Variants in ZBTB2 observed in about 807,000 individuals in gnomAD.
The protein encoded by ZBTB2 is zinc finger and BTB domain containing 2.
In ZBTB2, 2 loss-of-function variants were observed where a neutral mutation model predicts 39.5. That is an observed-to-expected ratio of 0.05 (90% confidence interval 0.02 to 0.16). The LOEUF (loss-of-function observed/expected upper bound fraction) is 0.16. Among genes scored for constraint, ZBTB2 ranks in the 10% least tolerant of loss-of-function variants. The pLI is 1.00. For missense variants in ZBTB2, 391 were observed against 653.0 expected (o/e 0.60, Z 4.37); for synonymous variants, 251 against 256.6 (o/e 0.98, Z 0.21).
intron 1 of ZBTB2, among the ~76,000 whole-genome samples, chr6:151,384,883 T>C (rs1779119933): frequency 1.3e-5 from 2 of 152,204 alleles, no homozygotes; most frequent in Non-Finnish European, 2.9e-5. Context: ...ACTCTGGTCT[T>C]CTGGGCATAC....
chr6:151,388,043 G>C (rs1346298903), intron 1 of ZBTB2, among the ~76,000 whole-genome samples: 1 of 151,590 alleles, frequency 6.6e-6, no homozygotes, highest in Non-Finnish European at 1.5e-5. Flanking sequence ...AATATTCTTA[G>C]TCTAATGCTT....
At chr6:151,380,286 C>A (rs184001835) in intron 1 of ZBTB2, among the ~76,000 whole-genome samples, 2 of 152,302 alleles carry the variant, frequency 1.3e-5, no homozygotes, top group Admixed American at 1.3e-4. Context: ...AACCAAAACC[C>A]CTAGACTGTT....
intron 1 of ZBTB2, among the ~76,000 whole-genome samples, chr6:151,373,866 A>AAAC (rs1778841485): frequency 7.5e-6 from 1 of 134,060 alleles, no homozygotes; most frequent in Non-Finnish European, 1.6e-5. Flanking sequence ...AAAAAAAAAA[A>AAAC]AAAAAAAAAA....
intron 1 of ZBTB2, among the ~76,000 whole-genome samples, chr6:151,386,360 G>A (rs1396357133): frequency 2.6e-5 from 4 of 151,980 alleles, no homozygotes; most frequent in Non-Finnish European, 5.9e-5. Flanking sequence ...GCAACATGAC[G>A]AGACCCTGTC....
chr6:151,369,739 G>A (rs1778743120), intron 2 of ZBTB2, among the ~76,000 whole-genome samples: 1 of 152,122 alleles, frequency 6.6e-6, no homozygotes, highest in Admixed American at 6.5e-5. Context: ...TTGGGAGGCC[G>A]AGGTGGGTGG....
At chr6:151,369,451 G>T (rs1436430097) in intron 2 of ZBTB2, among the ~76,000 whole-genome samples, 1 of 151,998 alleles carries the variant, frequency 6.6e-6, no homozygotes, top group Non-Finnish European at 1.5e-5. Context: ...CTCCTGAGTA[G>T]CTCAGACTAT....
Position 151,366,973 on chromosome 6 carries a change from T to C in ZBTB2, c.174-81A>G. On this transcript the variant is annotated intron_variant, in intron 2 of 2. Coordinates refer to ENST00000325144, the MANE Select transcript of ZBTB2 (RefSeq NM_020861.3). The surrounding 1 kb of genome is among the most constrained non-coding windows in gnomAD (Gnocchi z 7.1). Reference sequence around the variant, plus strand: ...AAAGCCTGAAGAAAAAAATGAATGCTTAAAAACAAAGGAAACAACATTTCC... The same window carrying C: ...AAAGCCTGAAGAAAAAAATGAATGCCTAAAAACAAAGGAAACAACATTTCC... 5 of 1,401,458 alleles carry C rather than the reference T, an allele frequency of 3.6e-6. No homozygotes were observed. The highest frequency in any genetic ancestry group is 4.8e-6 in the Non-Finnish European group (5 of 1,044,156). The allele number at this position is 1,401,458 out of a possible 1,614,324, so 86.8% of individuals were successfully genotyped here. A position where few individuals can be genotyped will look rare whatever the true frequency, so the allele number is the denominator to read the frequency against.
At chr6:151,375,881 T>A (rs9383567) in intron 1 of ZBTB2, among the ~76,000 whole-genome samples, 12,561 of 152,104 alleles carry the variant, frequency 0.083, 812 homozygotes, top group African/African-American at 0.18. Context: ...AAATAATTTT[T>A]AAAAAAGAAC....
At chr6:151,390,308 C>A (rs1384470848) in intron 1 of ZBTB2, among the ~76,000 whole-genome samples, 9 of 143,980 alleles carry the variant, frequency 6.3e-5, no homozygotes, top group African/African-American at 2.3e-4. Flanking sequence ...GGGCGCGGCG[C>A]CGGGGCCCTC....
intron 1 of ZBTB2, among the ~76,000 whole-genome samples, chr6:151,377,016 A>T (rs1778924646): frequency 6.6e-6 from 1 of 152,236 alleles, no homozygotes; most frequent in Admixed American, 6.5e-5. Context: ...CCATAAGAAG[A>T]AACGACCTAC....
rs377314692 is a variant in ZBTB2 at position 151,366,230 on chromosome 6, A to G, written c.836T>C (p.Val279Ala). 4.3e-5 allele frequency: 69 copies of G among 1,613,786 alleles called. No homozygotes were observed. The African/African-American group carries it at 7.2e-4, about 17-fold the overall frequency. The change falls in exon 3 of 3, where the codon GTA becomes GCA. Residue 279 changes from valine (V) to alanine (A), a missense_variant. By Grantham distance (64) the Val-to-Ala change is moderately conservative. Coordinates refer to ENST00000325144, the MANE Select transcript of ZBTB2 (RefSeq NM_020861.3). The surrounding 1 kb of genome is among the most constrained non-coding windows in gnomAD (Gnocchi z 7.1). ...LREHLQIHTG[V>A]PFTSSQQGES... ...TCCCTGTTGGCTAGATGTGAAAGGT[A>G]CTCCTGTGTGGATCTGGAGGTGTTC...
rs1273390005 is a variant in ZBTB2, at chr6:151,364,587, G to T, written c.*934C>A. The stretch of plus-strand genomic sequence containing the variant: ...CTTCTGGTCACAAATTCCCCTGTAA[G>T]ATGAGTATTCCTATATCCTTTTCCC... On this transcript the variant is annotated 3_prime_UTR_variant, in exon 3 of 3. Coordinates refer to ENST00000325144, the MANE Select transcript of ZBTB2 (RefSeq NM_020861.3). 1.3e-5 allele frequency: 2 copies of T among 152,184 alleles called. No homozygotes were observed. Among genetic ancestry groups the T allele is most frequent in the Non-Finnish European group, 2.9e-5 (2 of 68,038 alleles). The allele number at this position is 152,184 out of a possible 1,614,324, so 9.4% of individuals were successfully genotyped here.
intron 1 of ZBTB2, among the ~76,000 whole-genome samples, chr6:151,387,315 A>T (rs893545446): frequency 3.9e-5 from 6 of 152,050 alleles, no homozygotes. Flanking sequence ...CATTTGGAAA[A>T]TATCGGCTCA....
At chr6:151,375,383 G>C (rs1388819874) in intron 1 of ZBTB2, among the ~76,000 whole-genome samples, 1 of 152,044 alleles carries the variant, frequency 6.6e-6, no homozygotes, top group Admixed American at 6.5e-5. Context: ...TAAACAAACA[G>C]ATATACTATG....
At chr6:151,387,743 G>A (rs1359249973) in intron 1 of ZBTB2, among the ~76,000 whole-genome samples, 6 of 152,142 alleles carry the variant, frequency 3.9e-5, no homozygotes, top group African/African-American at 1.4e-4. Flanking sequence ...CTTTCTTAAA[G>A]TGACACTCAA....
chr6:151,366,014 T>G lies in ZBTB2; in HGVS notation c.1052A>C (p.Gln351Pro). 1 of 1,614,192 alleles carries G rather than the reference T, an allele frequency of 6.2e-7. No individual in the cohort carries two copies. Among genetic ancestry groups the G allele is most frequent in the Non-Finnish European group, 8.5e-7 (1 of 1,180,040 alleles). ...CTTCACCTCCCTCTCCTGGTCGGCC[T>G]GCTCCAGGTTGTCAATGTCAGCAAT... The part of the protein sequence containing the change: ...SDIADIDNLE[Q>P]ADQEREVKRR... Residue 351 changes from glutamine (Q) to proline (P), a missense_variant, in exon 3 of 3, where the codon CAG (glutamine) becomes CCG (proline). Gln to Pro is a moderately conservative substitution (Grantham distance 76, BLOSUM62 -1). Around this residue, in one of 7 missense-constraint regions of ZBTB2, gnomAD observed 17 missense variants for 67.6 expected, o/e 0.25. Coordinates refer to ENST00000325144, the MANE Select transcript of ZBTB2 (RefSeq NM_020861.3). This position sits in a 1 kb window ranked among gnomAD's most constrained non-coding sequence, Gnocchi z 7.1.
intron 1 of ZBTB2, among the ~76,000 whole-genome samples, chr6:151,385,726 T>C (rs1779135827): frequency 6.6e-6 from 1 of 152,210 alleles, no homozygotes; most frequent in South Asian, 2.1e-4. Flanking sequence ...GTAAGATTGA[T>C]TCTTTCAAGT....
intron 2 of ZBTB2, chr6:151,370,102 T>C: frequency 1.0e-6 from 1 of 977,616 alleles, no homozygotes; most frequent in African/African-American, 1.7e-5. Flanking sequence ...ACAATATACT[T>C]ACATCTAAGT....
intron 1 of ZBTB2, among the ~76,000 whole-genome samples, chr6:151,376,422 A>G (rs1201068905): frequency 6.6e-6 from 1 of 152,222 alleles, no homozygotes; most frequent in Non-Finnish European, 1.5e-5. Context: ...CTAGGAGTCA[A>G]TATTTGAAAA....
Sources: gnomAD v4.1 joint callset for allele counts (sites outside exome capture counted in the v4.1 genomes callset) on GRCh38, gnomAD v4.1.1 for gene constraint, gnomAD v4.1.1 regional missense constraint, Gnocchi (gnomAD v3.1) non-coding constraint, MANE v1.5 for transcripts, NCBI Gene and HGNC (gene_info 2026-07-23, HGNC 2026-07-21) for gene names.